RYR3: variants seen among roughly 807,000 people sequenced by gnomAD.
RYR3 encodes the protein brain ryanodine receptor-calcium release channel.
A neutral mutation model predicts 584.3 loss-of-function variants in RYR3; 207 were observed. The ratio of observed to expected loss-of-function variants is 0.35; its 90% confidence interval spans 0.32 to 0.40. The LOEUF is 0.40. RYR3 is among the 10% of genes least tolerant of loss of function. RYR3 has a pLI of 1.00. For missense variants in RYR3, 5,616 were observed against 6,089.2 expected (o/e 0.92, Z 2.59); for synonymous variants, 2,416 against 2,248.5 (o/e 1.07, Z -2.11).
chr15:33,629,824 C>G (rs1454057578), intron 21 of RYR3, 116 bp from the exon 22 acceptor site: 1 of 591,212 alleles, frequency 1.7e-6, no homozygotes, highest in African/African-American at 1.9e-5. Flanking sequence ...TGCTGTCTTT[C>G]TCTTGCCTGA....
rs889669071 is a variant in RYR3, at chr15:33,554,397, G to A, written c.972+4081G>A. Among the ~76,000 whole-genome samples, 5 of 149,366 alleles carry A rather than the reference G, an allele frequency of 3.3e-5. No individual in the cohort carries two copies. The South Asian group carries it at 6.3e-4, about 19-fold the overall frequency. On this transcript the variant is annotated intron_variant, in intron 10 of 103. Coordinates refer to ENST00000634891, the MANE Select transcript of RYR3 (RefSeq NM_001036.6). ...TGCAAGCTCCGCCTCCCGGCTTCAC[G>A]CCATTCTCCTGCCTCAGCCTCCCGA...
chr15:33,682,698 G>C (rs936643942), intron 38 of RYR3, among the ~76,000 whole-genome samples: 1 of 151,992 alleles, frequency 6.6e-6, no homozygotes, highest in African/African-American at 2.4e-5. Context: ...TTTCTTTCTT[G>C]TCCCTTTTTG....
chr15:33,737,305 A>G (rs1026583804), intron 49 of RYR3, among the ~76,000 whole-genome samples: 4 of 152,002 alleles, frequency 2.6e-5, no homozygotes, highest in African/African-American at 9.7e-5. Context: ...CTCATAAATT[A>G]CAAATATTTT....
chr15:33,480,620 T>G (rs2049870917), intron 2 of RYR3, among the ~76,000 whole-genome samples: 1 of 152,242 alleles, frequency 6.6e-6, no homozygotes, highest in South Asian at 2.1e-4. Context: ...TAAAAAGTGT[T>G]AGTGAGTGGA....
chr15:33,662,140 G>T lies in RYR3; in HGVS notation c.4623-13G>T. 6.4e-7 allele frequency: 1 copy of T among 1,559,808 alleles called. No individual in the cohort carries two copies. ...CTCCCCCTGGTGTGGCTGATTGCTC[G>T]TCCTGTCCTCAGGTGTGTGGATATC... On this transcript the variant is annotated splice_polypyrimidine_tract_variant and intron_variant, in intron 34 of 103. Coordinates refer to ENST00000634891, the MANE Select transcript of RYR3 (RefSeq NM_001036.6).
chr15:33,800,380 C>T (rs886612693), intron 67 of RYR3, among the ~76,000 whole-genome samples: 1 of 152,164 alleles, frequency 6.6e-6, no homozygotes, highest in African/African-American at 2.4e-5. Context: ...GACTTGCCTA[C>T]CTTTGCTAGC....
rs536541822 is a variant in RYR3 at position 33,700,938 on chromosome 15, C to G, written c.6380-39C>G. 4.1e-6 allele frequency: 6 copies of G among 1,477,406 alleles called. No individual in the cohort carries two copies. The African/African-American group carries it at 8.3e-5, about 20-fold the overall frequency. The allele number at this position is 1,477,406 out of a possible 1,614,324, so 91.5% of individuals were successfully genotyped here. ...TCTCAGCTCAGCACTGAGTGTCTTC[C>G]TCTGTCCTTTTCTTGCTAATTCTCC... On this transcript the variant is annotated intron_variant, in intron 41 of 103. Coordinates refer to ENST00000634891, the MANE Select transcript of RYR3 (RefSeq NM_001036.6).
At chr15:33,859,292 T>C (rs1340933588) in intron 99 of RYR3, among the ~76,000 whole-genome samples, 1 of 152,262 alleles carries the variant, frequency 6.6e-6, no homozygotes, top group African/African-American at 2.4e-5. Flanking sequence ...GCCATACTCA[T>C]CAAGGCTTAA....
intron 70 of RYR3, among the ~76,000 whole-genome samples, chr15:33,809,360 C>T (rs901647083): frequency 1.3e-5 from 2 of 152,198 alleles, no homozygotes; most frequent in Non-Finnish European, 2.9e-5. Context: ...GAGTCCCTGA[C>T]TTGATTCTGG....
chr15:33,646,328 G>A (rs370688126), intron 28 of RYR3, 23 bp from the exon 29 acceptor site: 13 of 1,575,660 alleles, frequency 8.3e-6, no homozygotes, highest in Non-Finnish European at 1.7e-6. Flanking sequence ...GTATGTCAAG[G>A]TAAGGACTCG....
chr15:33,660,099 C>T lies in RYR3; in HGVS notation c.4396-98C>T, dbSNP rs1292650015. On this transcript the variant is annotated intron_variant, in intron 33 of 103. Transcript: ENST00000634891. ...CTTAGAGATCCCTGGATACATTTGT[C>T]CCTCTTTAATTTATACTGGCCATAT... The T allele has an allele frequency of 1.9e-5, 15 of 776,708 alleles. No individual in the cohort carries two copies. The East Asian group carries it at 2.2e-4, about 11-fold the overall frequency. 48.1% of individuals were successfully genotyped at this position (776,708 alleles called of 1,614,324 possible). A position where few individuals can be genotyped will look rare whatever the true frequency, so the allele number is the denominator to read the frequency against.
At chr15:33,726,614 G>A in intron 46 of RYR3, 108 bp downstream of exon 46, 2 of 1,151,606 alleles carry the variant, frequency 1.7e-6, no homozygotes, top group Non-Finnish European at 2.4e-6. Flanking sequence ...TTGCAGGGCG[G>A]GCTGCACAGG....
chr15:33,857,217 G>A (rs2079772458), intron 98 of RYR3, among the ~76,000 whole-genome samples: 1 of 139,132 alleles, frequency 7.2e-6, no homozygotes, highest in South Asian at 2.5e-4. Context: ...AGTTCTGGAG[G>A]CGGTAAGTAA....
chr15:33,755,816 C>G (rs1412863888), intron 58 of RYR3, among the ~76,000 whole-genome samples: 1 of 152,102 alleles, frequency 6.6e-6, no homozygotes, highest in Non-Finnish European at 1.5e-5. Context: ...GTTGCCCAGG[C>G]TGGAGTGCAG....
chr15:33,625,143 C>T (rs2060919154), intron 20 of RYR3, among the ~76,000 whole-genome samples: 2 of 152,174 alleles, frequency 1.3e-5, no homozygotes, highest in African/African-American at 4.8e-5. Flanking sequence ...GAAGCAAGCA[C>T]ATCTTCATAA....
intron 1 of RYR3, among the ~76,000 whole-genome samples, chr15:33,466,391 G>C (rs1266197879): frequency 6.6e-6 from 1 of 152,210 alleles, no homozygotes; most frequent in South Asian, 2.1e-4. Flanking sequence ...TTGCTTCTTG[G>C]TATCCTGAAA....
rs772574630 is a variant in RYR3, at chr15:33,660,334, G to C, written c.4533G>C (p.Glu1511Asp). 1.8e-5 allele frequency: 28 copies of C among 1,591,756 alleles called. No homozygotes were observed. The highest frequency in any genetic ancestry group is 1.9e-5 in the Non-Finnish European group (22 of 1,169,496). Reference sequence around the variant, plus strand: ...TGCCCAACAGCTTCCTGAAGGTGGAGACCGAGCGTGTGAGCGAGCGCCACG... The same window carrying C: ...TGCCCAACAGCTTCCTGAAGGTGGACACCGAGCGTGTGAGCGAGCGCCACG... The part of the protein sequence containing the change: ...SRMPNSFLKV[E>D]TERVSERHGW... The change falls in exon 34 of 104, where the codon GAG becomes GAC. Residue 1511 changes from glutamate (E) to aspartate (D), a missense_variant. Physicochemically the swap from Glu to Asp is conservative, Grantham distance 45. Around this residue, in one of 9 missense-constraint regions of RYR3, gnomAD observed 753 missense variants for 741.0 expected, o/e 1.02. Transcript: ENST00000634891.
At chr15:33,782,878 G>A (rs1348817900) in intron 65 of RYR3, among the ~76,000 whole-genome samples, 1 of 152,028 alleles carries the variant, frequency 6.6e-6, no homozygotes, top group African/African-American at 2.4e-5. Flanking sequence ...ACTGTTATGA[G>A]TCAGTTATTC....
intron 1 of RYR3, among the ~76,000 whole-genome samples, chr15:33,433,368 T>C (rs1158480036): frequency 6.6e-6 from 1 of 152,194 alleles, no homozygotes; most frequent in Non-Finnish European, 1.5e-5. Context: ...CATTAATGCA[T>C]GCTTGGATTT....
Sources: gnomAD v4.1 joint callset for allele counts (sites outside exome capture counted in the v4.1 genomes callset) on GRCh38, gnomAD v4.1.1 for gene constraint, gnomAD v4.1.1 regional missense constraint, MANE v1.5 for transcripts, NCBI Gene and HGNC (gene_info 2026-07-23, HGNC 2026-07-21) for gene names.